Variants in PDCD11 observed in about 807,000 individuals in gnomAD.
PDCD11 encodes programmed cell death 11.
In PDCD11, 97 loss-of-function variants were observed where a neutral mutation model predicts 198.9. That is an observed-to-expected ratio of 0.49 (90% CI 0.41 to 0.58). The LOEUF (loss-of-function observed/expected upper bound fraction) is 0.58. PDCD11 is among the 20% of genes least tolerant of loss of function. The probability of loss-of-function intolerance (pLI) is 0.00; values close to 1 mark genes in which losing one functional copy is unlikely to be tolerated. For synonymous variants in PDCD11, 893 were observed against 918.0 expected (o/e 0.97, Z 0.49); for missense variants, 2,102 against 2,312.7 (o/e 0.91, Z 1.87).
chr10:103,427,419 T>TA, intron 21 of PDCD11, 28 bp downstream of exon 21: 2 of 1,572,690 alleles, frequency 1.3e-6, no homozygotes, highest in Non-Finnish European at 8.7e-7. Flanking sequence ...AGCACTGTCT[T>TA]ACGGAAAGAG....
rs2133695389 is a variant in PDCD11, at chr10:103,413,223, G to A, written c.1086G>A (p.Gln362=). Residue 362 remains glutamine (Q), a synonymous_variant, in exon 9 of 36, where the codon CAG becomes CAA. Transcript: ENST00000369797. ...GCCCACTCACCCGACTCTCTTGCCA[G>A]AACCTTGGAGCAGTGCTGGATGATG... ...PGRPLTRLSC[Q]NLGAVLDDVP... 1 of 1,614,186 alleles carries A rather than the reference G, an allele frequency of 6.2e-7. No individual in the cohort carries two copies. Among genetic ancestry groups the A allele is most frequent in the Non-Finnish European group, 8.5e-7 (1 of 1,180,026 alleles).
chr10:103,443,682 C>T (rs753812945), intron 33 of PDCD11, among the ~76,000 whole-genome samples: 14 of 152,206 alleles, frequency 9.2e-5, no homozygotes, highest in Admixed American at 5.9e-4. Flanking sequence ...TAGGCTAGGA[C>T]CGCCCTCCCA....
At chr10:103,436,430 T>C (rs937803028) in intron 25 of PDCD11, among the ~76,000 whole-genome samples, 1 of 152,190 alleles carries the variant, frequency 6.6e-6, no homozygotes, top group African/African-American at 2.4e-5. Flanking sequence ...AAACTAAACT[T>C]GAGGAGACAG....
At chr10:103,444,471 G>A (rs1228516142) in intron 34 of PDCD11, 46 bp from the exon 35 acceptor site, 17 of 1,577,608 alleles carry the variant, frequency 1.1e-5, no homozygotes, top group Non-Finnish European at 1.5e-5. Flanking sequence ...GTTGTGGTGA[G>A]GGGGCTGTCT....
intron 17 of PDCD11, 102 bp from the exon 18 acceptor site, chr10:103,422,886 A>G (rs534610071): frequency 9.2e-7 from 1 of 1,087,154 alleles, no homozygotes; most frequent in East Asian, 2.9e-5. Context: ...CAGTGGTTCC[A>G]GTGCTCCACT....
chr10:103,436,594 C>T (rs2032165231), intron 25 of PDCD11, among the ~76,000 whole-genome samples: 1 of 152,228 alleles, frequency 6.6e-6, no homozygotes, highest in African/African-American at 2.4e-5. Flanking sequence ...CTGCACGGCA[C>T]ACACATGCCC....
intron 13 of PDCD11, among the ~76,000 whole-genome samples, 181 bp downstream of exon 13, chr10:103,416,923 G>T (rs1173184200): frequency 6.6e-6 from 1 of 152,194 alleles, no homozygotes; most frequent in African/African-American, 2.4e-5. Flanking sequence ...CCTCAGCGGG[G>T]TTCAGCAGAA....
intron 24 of PDCD11, 54 bp downstream of exon 24, chr10:103,434,404 G>C: frequency 8.5e-7 from 1 of 1,172,176 alleles, no homozygotes; most frequent in African/African-American, 1.5e-5. Flanking sequence ...GGAAGGGGTG[G>C]GATGGGTTTT....
intron 4 of PDCD11, 66 bp from the exon 5 acceptor site, chr10:103,404,956 C>A: frequency 6.7e-7 from 1 of 1,485,804 alleles, no homozygotes; most frequent in Non-Finnish European, 9.2e-7. Context: ...TGAGCCAAAG[C>A]TGGGTAATGG....
intron 8 of PDCD11, among the ~76,000 whole-genome samples, chr10:103,412,653 T>G (rs1036621467): frequency 2.0e-5 from 3 of 152,022 alleles, no homozygotes; most frequent in African/African-American, 7.2e-5. Flanking sequence ...AAACTAGAGA[T>G]GAGGTTTCGC....
chr10:103,440,781 C>T lies in PDCD11; in HGVS notation c.4488C>T (p.Asp1496=), dbSNP rs368345049. 9 of 1,613,950 alleles carry T rather than the reference C, an allele frequency of 5.6e-6. No individual in the cohort carries two copies. In the East Asian group the frequency reaches 8.9e-5, roughly 16 times the overall value. The part of the protein sequence containing the change: ...KPKKAGLSEE[D]DSLVDVYYRE... Reference sequence around the variant, plus strand: ...AGAAAGCCGGCCTGTCAGAGGAGGACGACAGCCTTGTGGACGTGTACTATC... The same window carrying T: ...AGAAAGCCGGCCTGTCAGAGGAGGATGACAGCCTTGTGGACGTGTACTATC... Residue 1496 remains aspartate, a synonymous_variant, in exon 30 of 36, where the codon GAC becomes GAT. Transcript: ENST00000369797.
At chr10:103,438,854 G>A in intron 27 of PDCD11, 46 bp downstream of exon 27, 2 of 1,609,368 alleles carry the variant, frequency 1.2e-6, no homozygotes, top group Non-Finnish European at 1.7e-6. Flanking sequence ...CCTTCCCTGA[G>A]CCTGTGTTGC....
At chr10:103,417,488 A>G (rs2031174504) in intron 13 of PDCD11, among the ~76,000 whole-genome samples, 1 of 152,208 alleles carries the variant, frequency 6.6e-6, no homozygotes, top group Non-Finnish European at 1.5e-5. Flanking sequence ...GTGATATTTC[A>G]ATACATGCTT....
chr10:103,399,222 G>C (rs1345908209), intron 2 of PDCD11, among the ~76,000 whole-genome samples: 4 of 145,030 alleles, frequency 2.8e-5, no homozygotes, highest in Non-Finnish European at 4.5e-5. Flanking sequence ...ACTAATTTTT[G>C]TATTTTTGTT....
At chr10:103,410,596 C>CTTTTCTTTTTTTTTT (rs1045498156) in intron 8 of PDCD11, among the ~76,000 whole-genome samples, 3 of 141,556 alleles carry the variant, frequency 2.1e-5, no homozygotes, top group African/African-American at 7.8e-5. Context: ...TTTTTCTTTT[C>CTTTTCTTTTTTTTTT]TTTTCTTTTT....
At chr10:103,442,615 G>A (rs570514452) in intron 32 of PDCD11, among the ~76,000 whole-genome samples, 155 bp downstream of exon 32, 6 of 152,186 alleles carry the variant, frequency 3.9e-5, no homozygotes, top group African/African-American at 7.2e-5. Context: ...CCATAGCTGC[G>A]GCCATCTGTG....
At chr10:103,435,019 G>A (rs1455814662) in intron 25 of PDCD11, 44 bp downstream of exon 25, 2 of 1,340,848 alleles carry the variant, frequency 1.5e-6, no homozygotes, top group Non-Finnish European at 2.0e-6. Context: ...TGTGGAATTG[G>A]TATATTTAAA....
chr10:103,418,348 G>A (rs1469695039), intron 14 of PDCD11, 92 bp from the exon 15 acceptor site: 25 of 1,004,798 alleles, frequency 2.5e-5, no homozygotes, highest in Admixed American at 8.9e-5. Flanking sequence ...CCTTGGTGCC[G>A]GAGTTTAATG....
At chr10:103,425,666 T>C (rs887954339) in intron 20 of PDCD11, 141 bp downstream of exon 20, 1 of 704,240 alleles carries the variant, frequency 1.4e-6, no homozygotes, top group African/African-American at 1.8e-5. Context: ...CAAAGAATTA[T>C]TTTGCAAGAT....
Sources: allele counts gnomAD v4.1 joint callset (sites outside exome capture counted in the v4.1 genomes callset), GRCh38; gene constraint gnomAD v4.1.1; transcripts MANE v1.5; gene names NCBI Gene and HGNC (gene_info 2026-07-23, HGNC 2026-07-21).